VPS13D: variants seen among roughly 807,000 people sequenced by gnomAD.
VPS13D encodes the protein vacuolar protein sorting 13 homolog D.
In VPS13D, 187 loss-of-function variants were observed where a neutral mutation model predicts 461.9. That is an observed-to-expected ratio of 0.40 (90% CI 0.36 to 0.46). The LOEUF (loss-of-function observed/expected upper bound fraction) is 0.46, where lower values mean the gene tolerates loss of function less well. Ranked by LOEUF, VPS13D falls within the 20% of genes least tolerant of loss-of-function variation. VPS13D has a pLI of 0.60. For synonymous variants in VPS13D, 1,951 were observed against 1,986.3 expected, an observed-to-expected ratio of 0.98 and a Z score of 0.47; for missense variants, 4,711 against 5,364.9, an observed-to-expected ratio of 0.88 and a Z score of 3.81.
chr1:12,262,099 A>G lies in VPS13D; in HGVS notation c.1594+19A>G, dbSNP rs201465353. Reference sequence around the variant, plus strand: ...TTTTCAGGTACACTGCCCCCAAGAAACTACCTGCCACTGTTGTCTCTCTGT... The same window carrying G: ...TTTTCAGGTACACTGCCCCCAAGAAGCTACCTGCCACTGTTGTCTCTCTGT... On this transcript the variant is annotated intron_variant, in intron 13 of 69. Transcript: ENST00000620676. 131 of 1,585,876 alleles carry G rather than the reference A, an allele frequency of 8.3e-5. No homozygotes were observed. The highest frequency in any genetic ancestry group is 9.9e-5 in the Non-Finnish European group (115 of 1,162,754).
At chr1:12,298,090 A>G (rs971731527) in intron 24 of VPS13D, among the ~76,000 whole-genome samples, 10 of 152,218 alleles carry the variant, frequency 6.6e-5, no homozygotes, top group African/African-American at 2.2e-4. Context: ...AATAGCTGTT[A>G]CATTTTCACC....
chr1:12,234,332 C>T lies in VPS13D; in HGVS notation c.66C>T (p.Asn22=). 6.2e-7 allele frequency: 1 copy of T among 1,614,060 alleles called. No individual in the cohort carries two copies. The highest frequency in any genetic ancestry group is 8.5e-7 in the Non-Finnish European group (1 of 1,179,974). The change falls in exon 2 of 70, where the codon AAC becomes AAT. Residue 22 remains asparagine, a synonymous_variant. Coordinates refer to ENST00000620676, the MANE Select transcript of VPS13D (RefSeq NM_015378.4). ...TGGGAAAATATGTCAATAACCTGAA[C>T]ACTGACCAGCTCTCAGTTGCACTTC... is the stretch of plus-strand genomic sequence containing the variant. The part of the protein sequence containing the change: ...TYLGKYVNNL[N]TDQLSVALLK...
At chr1:12,501,214 AT>A (rs1235019683) in intron 68 of VPS13D, among the ~76,000 whole-genome samples, 2 of 152,126 alleles carry the variant, frequency 1.3e-5, no homozygotes, top group Non-Finnish European at 1.5e-5. Flanking sequence ...AATCAGGAAA[AT>A]TTTTGAGCGC....
intron 67 of VPS13D, among the ~76,000 whole-genome samples, chr1:12,489,124 C>T (rs1450276539): frequency 6.6e-6 from 1 of 152,122 alleles, no homozygotes; most frequent in East Asian, 1.9e-4. Context: ...GTAACTCTGC[C>T]CCTCCCCACC....
intron 27 of VPS13D, 67 bp from the exon 28 acceptor site, chr1:12,311,387 G>A (rs1332181459): frequency 2.0e-6 from 3 of 1,479,110 alleles, no homozygotes; most frequent in Non-Finnish European, 1.8e-6. Context: ...CCGTTGTTTG[G>A]GCGTGAGCTA....
chr1:12,320,578 T>C (rs1375199753), intron 32 of VPS13D, among the ~76,000 whole-genome samples: 1 of 152,216 alleles, frequency 6.6e-6, no homozygotes, highest in Non-Finnish European at 1.5e-5. Context: ...CTTGTTTCTG[T>C]CTTGTAAAGA....
chr1:12,428,805 G>A (rs1368315772), intron 65 of VPS13D, among the ~76,000 whole-genome samples: 6 of 152,324 alleles, frequency 3.9e-5, no homozygotes, highest in East Asian at 1.9e-4. Flanking sequence ...GGTGCTGGGC[G>A]CTGTGAAAGA....
intron 37 of VPS13D, among the ~76,000 whole-genome samples, chr1:12,330,981 AAAAC>A (rs998799611): frequency 3.3e-5 from 5 of 152,352 alleles, no homozygotes; most frequent in African/African-American, 9.6e-5. Context: ...AGAAAAAACA[AAAAC>A]AAACAAACGA....
At chr1:12,478,335 G>C (rs191231800) in intron 67 of VPS13D, among the ~76,000 whole-genome samples, 1 of 152,246 alleles carries the variant, frequency 6.6e-6, no homozygotes, top group Admixed American at 6.5e-5. Context: ...CCAGCACGAC[G>C]AAAAGGAGAT....
At chr1:12,414,759 A>G (rs2100228096) in intron 63 of VPS13D, among the ~76,000 whole-genome samples, 1 of 152,354 alleles carries the variant, frequency 6.6e-6, no homozygotes, top group South Asian at 2.1e-4. Context: ...TGATTAGTAT[A>G]CTTTTCTGTG....
chr1:12,488,153 G>A lies in VPS13D; in HGVS notation c.12663-9347G>A, dbSNP rs1015439323. Among the ~76,000 whole-genome samples the A allele has an allele frequency of 7.2e-5, 11 of 152,194 alleles. No homozygotes were observed. In the East Asian group the frequency reaches 9.6e-4, roughly 13 times the overall value. On this transcript the variant is annotated intron_variant, in intron 67 of 69. Transcript: ENST00000620676. The stretch of plus-strand genomic sequence containing the variant: ...GAGAACTTGTCCCCCAGGGTGCTCC[G>A]TCCAGATACAATTTTAAATACTGCA...
intron 67 of VPS13D, among the ~76,000 whole-genome samples, chr1:12,463,854 G>A (rs1645444908): frequency 6.6e-6 from 1 of 152,198 alleles, no homozygotes; most frequent in South Asian, 2.1e-4. Context: ...ATCTATGTAA[G>A]ACTCAGTTTT....
chr1:12,389,484 G>A (rs1644394721), intron 60 of VPS13D, among the ~76,000 whole-genome samples: 2 of 152,182 alleles, frequency 1.3e-5, no homozygotes, highest in South Asian at 4.1e-4. Context: ...AGTTAATGAT[G>A]CTTGAATGCT....
chr1:12,346,545 A>T, intron 43 of VPS13D, 60 bp from the exon 44 acceptor site: 1 of 1,562,582 alleles, frequency 6.4e-7, no homozygotes, highest in East Asian at 2.3e-5. Context: ...TTGTCATTGA[A>T]TTTAACGTTG....
At position 12,261,023 on chromosome 1, in the gene VPS13D, C is replaced by T; in HGVS notation, c.1288C>T (p.Leu430=). ...APEPGGGSGM[L]QYLQSWFPGW... The stretch of plus-strand genomic sequence containing the variant: ...AGAACCCGGTGGAGGCAGTGGGATG[C>T]TGCAGTATCTCCAGTCCTGGTTTCC... Residue 430 remains leucine (L), a synonymous_variant, in exon 12 of 70, where the codon CTG becomes TTG. Coordinates refer to ENST00000620676, the MANE Select transcript of VPS13D (RefSeq NM_015378.4). The T allele has an allele frequency of 1.2e-6, 2 of 1,614,008 alleles. No individual in the cohort carries two copies. Among genetic ancestry groups the T allele is most frequent in the Non-Finnish European group, 1.7e-6 (2 of 1,180,016 alleles).
chr1:12,286,111 T>C (rs1469313997), intron 21 of VPS13D, among the ~76,000 whole-genome samples: 2 of 151,172 alleles, frequency 1.3e-5, no homozygotes, highest in Non-Finnish European at 3.0e-5. Context: ...GGAGTCTTGC[T>C]CTGTTGCCCA....
Position 12,276,354 on chromosome 1 carries a change from G to C in VPS13D, c.2766G>C (p.Glu922Asp). 1 of 1,614,188 alleles carries C rather than the reference G, an allele frequency of 6.2e-7. No homozygotes were observed. Among genetic ancestry groups the C allele is most frequent in the Non-Finnish European group, 8.5e-7 (1 of 1,180,040 alleles). Residue 922 changes from glutamate to aspartate, a missense_variant, in exon 19 of 70, where the codon GAG becomes GAC. Glu to Asp is a conservative substitution (Grantham distance 45). Around this residue, in one of 3 missense-constraint regions of VPS13D, gnomAD observed 4,411 missense variants for 4,937.8 expected, o/e 0.89. Coordinates refer to ENST00000620676, the MANE Select transcript of VPS13D (RefSeq NM_015378.4). The surrounding 1 kb of genome is among the most constrained non-coding windows in gnomAD (Gnocchi z 4.5). ...QIKEKIFPQEEQRGSLQDSVM... is the reference protein window; with the variant it reads ...QIKEKIFPQEDQRGSLQDSVM... ...AAGAAAAGATTTTTCCCCAGGAGGA[G>C]CAGCGGGGAAGTTTGCAAGACTCCG... is the stretch of plus-strand genomic sequence containing the variant.
chr1:12,490,454 C>G (rs1045640417), intron 67 of VPS13D, among the ~76,000 whole-genome samples: 7 of 152,208 alleles, frequency 4.6e-5, no homozygotes, highest in Non-Finnish European at 1.0e-4. Context: ...ATAGAGTCTT[C>G]TCTGATTACA....
chr1:12,454,550 A>G (rs1645301393), intron 65 of VPS13D, among the ~76,000 whole-genome samples: 2 of 152,352 alleles, frequency 1.3e-5, no homozygotes, highest in South Asian at 4.1e-4. Flanking sequence ...GAGTCTTCCC[A>G]TAGCTTCTTC....
Sources: gnomAD v4.1 joint callset for allele counts (sites outside exome capture counted in the v4.1 genomes callset) on GRCh38, gnomAD v4.1.1 for gene constraint, gnomAD v4.1.1 regional missense constraint, Gnocchi (gnomAD v3.1) non-coding constraint, MANE v1.5 for transcripts, NCBI Gene and HGNC (gene_info 2026-07-23, HGNC 2026-07-21) for gene names.